Variants in EVA1C observed in about 807,000 individuals in gnomAD.
The protein encoded by EVA1C is eva-1 homolog C.
A neutral mutation model predicts 45.4 loss-of-function variants in EVA1C; 25 were observed. That is an observed-to-expected ratio of 0.55 (90% CI 0.40 to 0.77). EVA1C has a LOEUF of 0.77. EVA1C is among the 30% of genes least tolerant of loss of function. The probability of loss-of-function intolerance (pLI) is 0.00; values close to 1 mark genes in which losing one functional copy is unlikely to be tolerated. For synonymous variants in EVA1C, 190 were observed against 221.2 expected (o/e 0.86, Z 1.25); for missense variants, 479 against 554.8 (o/e 0.86, Z 1.37).
intron 1 of EVA1C, among the ~76,000 whole-genome samples, chr21:32,433,929 C>A (rs1409368674): frequency 6.6e-6 from 1 of 152,108 alleles, no homozygotes. Flanking sequence ...GAGGCTGAGG[C>A]GGGAGGATCA....
At chr21:32,507,840 T>C (rs2037810551) in intron 7 of EVA1C, among the ~76,000 whole-genome samples, 1 of 140,752 alleles carries the variant, frequency 7.1e-6, no homozygotes, top group African/African-American at 2.5e-5. Flanking sequence ...TGTGTGTGCA[T>C]GTGTCTGTAT....
chr21:32,446,335 TAACA>T (rs1006236967), intron 1 of EVA1C, among the ~76,000 whole-genome samples: 10 of 152,296 alleles, frequency 6.6e-5, no homozygotes, highest in African/African-American at 2.4e-4. Context: ...ACTGATTTCT[TAACA>T]GAGTGTGCAC....
chr21:32,428,940 G>A lies in EVA1C; in HGVS notation c.160+15927G>A, dbSNP rs984492431. On this transcript the variant is annotated intron_variant, in intron 1 of 7. Coordinates refer to ENST00000300255, the MANE Select transcript of EVA1C (RefSeq NM_058187.5). Reference sequence around the variant, plus strand: ...TTACAGAAGCCTGAGAACCACAGGGGAATTCTCACTGCAGGGCATTCAGGG... The same window carrying A: ...TTACAGAAGCCTGAGAACCACAGGGAAATTCTCACTGCAGGGCATTCAGGG... Among the ~76,000 whole-genome samples the A allele has an allele frequency of 2.0e-5, 3 of 151,980 alleles. No individual in the cohort carries two copies. In the East Asian group the frequency reaches 5.8e-4, roughly 29 times the overall value.
chr21:32,475,140 T>G (rs77829906), intron 4 of EVA1C, among the ~76,000 whole-genome samples: 24,746 of 152,134 alleles, frequency 0.16, 2,258 homozygotes, highest in Admixed American at 0.23. Context: ...GGATGATTTG[T>G]GTATTTTTCC....
intron 6 of EVA1C, among the ~76,000 whole-genome samples, chr21:32,503,048 C>T (rs2037609800): frequency 6.6e-6 from 1 of 152,218 alleles, no homozygotes; most frequent in South Asian, 2.1e-4. Flanking sequence ...TCCTGTCTGA[C>T]ATGGCTAGGA....
At chr21:32,438,486 CAAAAAAAAA>C (rs35688820) in intron 1 of EVA1C, among the ~76,000 whole-genome samples, 3 of 57,274 alleles carry the variant, frequency 5.2e-5, no homozygotes, top group Non-Finnish European at 9.6e-5. Flanking sequence ...GACTCTGTCT[CAAAAAAAAA>C]AAAAAAAAAA....
At chr21:32,466,245 C>T (rs2036168449) in intron 3 of EVA1C, among the ~76,000 whole-genome samples, 2 of 151,944 alleles carry the variant, frequency 1.3e-5, no homozygotes, top group African/African-American at 4.8e-5. Flanking sequence ...ACGGTGAAAC[C>T]CATCTCTACT....
chr21:32,476,606 A>G (rs1359205856), intron 4 of EVA1C, among the ~76,000 whole-genome samples: 4 of 152,000 alleles, frequency 2.6e-5, no homozygotes, highest in African/African-American at 9.7e-5. Context: ...GCGCCATTGC[A>G]CTCCAGCCTG....
At chr21:32,490,669 A>G (rs1197277873) in intron 4 of EVA1C, among the ~76,000 whole-genome samples, 1 of 152,248 alleles carries the variant, frequency 6.6e-6, no homozygotes, top group African/African-American at 2.4e-5. Context: ...CACTATGAAC[A>G]TGGATGTGAA....
At chr21:32,425,694 A>C (rs2034463705) in intron 1 of EVA1C, among the ~76,000 whole-genome samples, 1 of 152,086 alleles carries the variant, frequency 6.6e-6, no homozygotes, top group South Asian at 2.1e-4. Context: ...GCTTTTCCTG[A>C]TATTTAGTTG....
At chr21:32,428,184 G>A in intron 1 of EVA1C, 1 of 152,288 alleles carries the variant, frequency 6.6e-6, no homozygotes, top group Non-Finnish European at 1.5e-5. Flanking sequence ...GCGACTTTCT[G>A]CTCAAACCAC....
chr21:32,501,303 T>C, intron 5 of EVA1C, 112 bp from the exon 6 acceptor site: 1 of 908,680 alleles, frequency 1.1e-6, no homozygotes, highest in Admixed American at 2.7e-5. Context: ...ATTCTTGCAC[T>C]GATTTGGAAA....
intron 4 of EVA1C, among the ~76,000 whole-genome samples, chr21:32,487,903 C>T (rs181038057): frequency 1.1e-3 from 163 of 152,256 alleles, no homozygotes; most frequent in African/African-American, 3.9e-3. Flanking sequence ...CTTGCAAATT[C>T]TGGAACCCAA....
In EVA1C at chr21:32,495,144, A is replaced by G; in HGVS notation, c.752A>G (p.Lys251Arg). Reference protein sequence around the residue: ...FGSPCLPGVKKYLTVTYACVP... With the variant: ...FGSPCLPGVKRYLTVTYACVP... ...AGCCCCTGTTTGCCAGGCGTGAAAA[A>G]ATACCTCACTGTGACCTACGCATGT... is the stretch of plus-strand genomic sequence containing the variant. The change falls in exon 5 of 8, where the codon AAA (lysine) becomes AGA (arginine). Residue 251 changes from lysine (K) to arginine (R), a missense_variant. Transcript: ENST00000300255. The G allele has an allele frequency of 1.2e-6, 2 of 1,614,104 alleles. No homozygotes were observed. The highest frequency in any genetic ancestry group is 1.1e-5 in the South Asian group (1 of 91,070).
In EVA1C at chr21:32,514,908, C is replaced by G. The variant is rs1009896462; in HGVS notation, c.1044C>G (p.Ala348=). 7 of 1,613,984 alleles carry G rather than the reference C, an allele frequency of 4.3e-6. No homozygotes were observed. The highest frequency in any genetic ancestry group is 5.9e-6 in the Non-Finnish European group (7 of 1,180,032). Residue 348 remains alanine, a synonymous_variant, in exon 8 of 8, where the codon GCC becomes GCG. Coordinates refer to ENST00000300255, the MANE Select transcript of EVA1C (RefSeq NM_058187.5). ...LCALVIRESC[A]KDFRDLQLGR... Reference sequence around the variant, plus strand: ...CCCTGGTCATCAGAGAGTCCTGTGCCAAGGACTTCCGCGACTTGCAGCTGG... The same window carrying G: ...CCCTGGTCATCAGAGAGTCCTGTGCGAAGGACTTCCGCGACTTGCAGCTGG...
intron 4 of EVA1C, among the ~76,000 whole-genome samples, chr21:32,480,710 C>T (rs1047148240): frequency 2.2e-4 from 33 of 151,996 alleles, no homozygotes; most frequent in Non-Finnish European, 8.8e-5. Context: ...CGCCTATAAT[C>T]CCAGCACTTT....
Position 32,515,329 on chromosome 21 carries a change from T to A in EVA1C, c.*139T>A. ...AACACTCGTGAGGCCAGGAAGCTAT[T>A]AAAGGGATGTTTCAAGCTGTTTCTA... On this transcript the variant is annotated 3_prime_UTR_variant, in exon 8 of 8. Coordinates refer to ENST00000300255, the MANE Select transcript of EVA1C (RefSeq NM_058187.5). 3 of 874,338 alleles carry A rather than the reference T, an allele frequency of 3.4e-6. No homozygotes were observed. Among genetic ancestry groups the A allele is most frequent in the Non-Finnish European group, 5.1e-6 (3 of 587,252 alleles). 54.2% of individuals were successfully genotyped at this position (874,338 alleles called of 1,614,324 possible). A position where few individuals can be genotyped will look rare whatever the true frequency, so the allele number is the denominator to read the frequency against.
chr21:32,460,681 A>C (rs1452481051), intron 3 of EVA1C, among the ~76,000 whole-genome samples: 1 of 152,132 alleles, frequency 6.6e-6, no homozygotes, highest in Non-Finnish European at 1.5e-5. Flanking sequence ...TCACACAAAT[A>C]TGTGCAAGAT....
chr21:32,432,271 G>C (rs970960131), intron 1 of EVA1C, among the ~76,000 whole-genome samples: 2 of 152,062 alleles, frequency 1.3e-5, no homozygotes, highest in African/African-American at 4.8e-5. Context: ...GAAGGTGGGC[G>C]CAGGTTCATT....
Sources: gnomAD v4.1 joint callset for allele counts (sites outside exome capture counted in the v4.1 genomes callset) on GRCh38, gnomAD v4.1.1 for gene constraint, MANE v1.5 for transcripts, NCBI Gene and HGNC (gene_info 2026-07-23, HGNC 2026-07-21) for gene names.